VCL: variants seen among roughly 807,000 people sequenced by gnomAD.
VCL encodes the protein vinculin.
Under a neutral mutation model 125.7 loss-of-function variants are expected in VCL, and 47 were observed. That is an observed-to-expected ratio of 0.37 (90% CI 0.30 to 0.48). The LOEUF (loss-of-function observed/expected upper bound fraction) is 0.48, where lower values mean the gene tolerates loss of function less well. Among genes scored for constraint, VCL ranks in the 20% least tolerant of loss-of-function variants. The probability of loss-of-function intolerance (pLI) is 0.99; values close to 1 mark genes in which losing one functional copy is unlikely to be tolerated. For synonymous variants in VCL, 458 were observed against 514.6 expected (o/e 0.89, Z 1.49); for missense variants, 1,069 against 1,455.5 (o/e 0.73, Z 4.32).
chr10:74,115,242 CA>C (rs1840293169), intron 21 of VCL, among the ~76,000 whole-genome samples: 1 of 151,996 alleles, frequency 6.6e-6, no homozygotes, highest in East Asian at 1.9e-4. Flanking sequence ...AAAAACAAAA[CA>C]AAACACCAGG....
At chr10:74,095,934 G>A in intron 12 of VCL, 79 bp downstream of exon 12, 4 of 1,517,334 alleles carry the variant, frequency 2.6e-6, no homozygotes, top group Non-Finnish European at 3.6e-6. Flanking sequence ...AGAGAGTTTT[G>A]AAAAATACAT....
intron 6 of VCL, chr10:74,077,674 C>A (rs1237730775): frequency 2.2e-6 from 1 of 452,326 alleles, no homozygotes; most frequent in Non-Finnish European, 4.4e-6. Flanking sequence ...TCTTACCATA[C>A]TTGTTTCATG....
chr10:74,002,048 A>G (rs1400861865), intron 1 of VCL, among the ~76,000 whole-genome samples: 1 of 152,208 alleles, frequency 6.6e-6, no homozygotes, highest in East Asian at 1.9e-4. Context: ...TCACTTATCA[A>G]GCAGGTGTTT....
rs1840373451 is a variant in VCL, at chr10:74,119,616, A to G, written c.*1447A>G. ...TGAAACCTTATTTTTTCCCAAAGCC[A>G]GAACCAGATGAGTAAAGGAGTAAGA... On this transcript the variant is annotated 3_prime_UTR_variant, in exon 22 of 22. Transcript: ENST00000211998. The G allele has an allele frequency of 6.6e-6, 1 of 152,246 alleles. No individual in the cohort carries two copies. The highest frequency in any genetic ancestry group is 2.4e-5 in the African/African-American group (1 of 41,460). 9.4% of individuals were successfully genotyped at this position (152,246 alleles called of 1,614,324 possible).
At chr10:74,104,877 T>G (rs770136365) in intron 15 of VCL, 174 bp from the exon 16 acceptor site, 6 of 758,748 alleles carry the variant, frequency 7.9e-6, no homozygotes, top group Non-Finnish European at 1.0e-5. Context: ...TCCTCACTGT[T>G]TTTTTTAACT....
rs76165636 is a variant in VCL, at chr10:74,027,266, C to G, written c.169-15817C>G. 5.8e-4 allele frequency among the ~76,000 whole-genome samples: 88 copies of G among 151,454 alleles called. 5 individuals carry two copies. The East Asian group carries it at 0.017, about 29-fold the overall frequency. ...AGATAGGACAGGTGGTAGCGTTGACCTAATTTCTGTTGGCAATATTTAGCT... is the reference window on the plus strand; with the variant it reads ...AGATAGGACAGGTGGTAGCGTTGACGTAATTTCTGTTGGCAATATTTAGCT... On this transcript the variant is annotated intron_variant, in intron 1 of 21. Coordinates refer to ENST00000211998, the MANE Select transcript of VCL (RefSeq NM_014000.3).
rs577565595 is a variant in VCL, at chr10:74,065,614, T to C, written c.240-5056T>C. Among the ~76,000 whole-genome samples, 227 of 151,006 alleles carry C rather than the reference T, an allele frequency of 1.5e-3. 1 individual carries two copies. Among genetic ancestry groups the C allele is most frequent in the African/African-American group, 5.2e-3 (213 of 40,954 alleles). On this transcript the variant is annotated intron_variant, in intron 2 of 21. Transcript: ENST00000211998. ...GCTGAGGTGGGAGGTGACCAGGAGG[T>C]CGAGGCTGCAGTGAGCCATGATTAT...
chr10:74,101,642 G>A (rs1238548504), intron 14 of VCL, among the ~76,000 whole-genome samples: 1 of 133,348 alleles, frequency 7.5e-6, no homozygotes, highest in Non-Finnish European at 1.5e-5. Flanking sequence ...TGCAAGCTCC[G>A]CTTCCCGGGT....
intron 1 of VCL, 103 bp from the exon 2 acceptor site, chr10:74,042,980 A>C: frequency 2.5e-6 from 3 of 1,193,434 alleles, no homozygotes; most frequent in Non-Finnish European, 3.6e-6. Flanking sequence ...TAGAAACTTT[A>C]ATGATAGATT....
intron 1 of VCL, among the ~76,000 whole-genome samples, chr10:74,023,680 C>T (rs1480541464): frequency 5.3e-5 from 8 of 152,132 alleles, no homozygotes; most frequent in Non-Finnish European, 1.2e-4. Flanking sequence ...TATTGGTAAG[C>T]AAGTGAAACA....
At chr10:74,079,932 G>A (rs1001420630) in intron 6 of VCL, among the ~76,000 whole-genome samples, 2 of 152,040 alleles carry the variant, frequency 1.3e-5, no homozygotes, top group Admixed American at 1.3e-4. Flanking sequence ...TTGGCTATTG[G>A]TTCCTTTTAG....
chr10:74,109,081 C>T lies in VCL; in HGVS notation c.2670C>T (p.Ala890=), dbSNP rs748291846. ...EKDEEFPEQK[A]GEVINQPMMM... is the part of the protein sequence containing the mutation. ...ATGAAGAGTTCCCTGAGCAGAAGGC[C>T]GGGGAGGTGATTAACCAGCCAATGA... The change falls in exon 18 of 22, where the codon GCC becomes GCT. Residue 890 remains alanine (A), a synonymous_variant. Transcript: ENST00000211998. 1.5e-5 allele frequency: 25 copies of T among 1,613,926 alleles called. No homozygotes were observed. The highest frequency in any genetic ancestry group is 1.2e-4 in the African/African-American group (9 of 74,876).
chr10:74,035,243 C>CT (rs1021362472), intron 1 of VCL, among the ~76,000 whole-genome samples: 1 of 150,270 alleles, frequency 6.7e-6, no homozygotes, highest in Admixed American at 6.6e-5. Flanking sequence ...ACCAGCCAAC[C>CT]TTTTTTTTCT....
intron 1 of VCL, among the ~76,000 whole-genome samples, chr10:74,034,023 T>C (rs1309804460): frequency 6.6e-6 from 1 of 150,620 alleles, no homozygotes; most frequent in Non-Finnish European, 1.5e-5. Flanking sequence ...TCTGGGGCCA[T>C]GTGTGTTTTC....
At chr10:74,075,603 A>T (rs1486900744) in intron 6 of VCL, 1 of 152,856 alleles carries the variant, frequency 6.5e-6, no homozygotes, top group South Asian at 2.1e-4. Context: ...GAACAGAGAT[A>T]CTTGGGTTCA....
At chr10:74,107,539 T>C (rs975191997) in intron 17 of VCL, among the ~76,000 whole-genome samples, 185 bp downstream of exon 17, 5 of 152,128 alleles carry the variant, frequency 3.3e-5, no homozygotes, top group South Asian at 4.1e-4. Context: ...CTAGTGCTTA[T>C]ATGCATGGGT....
Position 73,998,195 on chromosome 10 carries a change from G to T in VCL, c.-13G>T. 6.2e-7 allele frequency: 1 copy of T among 1,610,466 alleles called. No homozygotes were observed. Among genetic ancestry groups the T allele is most frequent in the Non-Finnish European group, 8.5e-7 (1 of 1,178,484 alleles). On this transcript the variant is annotated 5_prime_UTR_variant, in exon 1 of 22. Transcript: ENST00000211998. Reference sequence around the variant, plus strand: ...TCTGTCGCCCGCGGTTCGCCGCCCCGCTCGCCGCCGCGATGCCAGTGTTTC... The same window carrying T: ...TCTGTCGCCCGCGGTTCGCCGCCCCTCTCGCCGCCGCGATGCCAGTGTTTC...
chr10:74,000,604 G>A (rs567842554), intron 1 of VCL, among the ~76,000 whole-genome samples: 1 of 152,008 alleles, frequency 6.6e-6, no homozygotes, highest in African/African-American at 2.4e-5. Context: ...TAGTAGAGGC[G>A]GGGTTTCACC....
At chr10:74,028,720 A>G (rs1267473389) in intron 1 of VCL, among the ~76,000 whole-genome samples, 1 of 151,644 alleles carries the variant, frequency 6.6e-6, no homozygotes, top group Non-Finnish European at 1.5e-5. Flanking sequence ...ATAACTAAGA[A>G]CACTGGAAAA....
Sources: gnomAD v4.1 joint callset for allele counts (sites outside exome capture counted in the v4.1 genomes callset) on GRCh38, gnomAD v4.1.1 for gene constraint, MANE v1.5 for transcripts, NCBI Gene and HGNC (gene_info 2026-07-23, HGNC 2026-07-21) for gene names.